AGBL4: variants seen among roughly 807,000 people sequenced by gnomAD.
AGBL4 encodes AGBL carboxypeptidase 4.
In AGBL4, 58 loss-of-function variants were observed where a neutral mutation model predicts 66.4. The ratio of observed to expected loss-of-function variants is 0.87; its 90% CI spans 0.71 to 1.09. The LOEUF (loss-of-function observed/expected upper bound fraction) is 1.09, where lower values mean the gene tolerates loss of function less well. AGBL4 is among the 50% of genes least tolerant of loss of function. AGBL4 has a pLI of 0.00. For synonymous variants in AGBL4, 234 were observed against 222.9 expected (o/e 1.05, Z -0.44); for missense variants, 579 against 631.0 (o/e 0.92, Z 0.88).
intron 3 of AGBL4, among the ~76,000 whole-genome samples, chr1:49,459,338 T>C (rs1646460584): frequency 6.6e-6 from 1 of 151,750 alleles, no homozygotes; most frequent in Admixed American, 6.6e-5. Flanking sequence ...CTAGGAGGGT[T>C]GTATATTTCC....
chr1:49,889,717 ACTG>A, intron 1 of AGBL4, among the ~76,000 whole-genome samples: 1 of 149,374 alleles, frequency 6.7e-6, no homozygotes, highest in East Asian at 1.9e-4. Flanking sequence ...AGACCGCACC[ACTG>A]CACTCCAGCC....
chr1:49,456,778 G>A (rs1312672637), intron 3 of AGBL4, among the ~76,000 whole-genome samples: 1 of 151,528 alleles, frequency 6.6e-6, no homozygotes, highest in Non-Finnish European at 1.5e-5. Context: ...TTATGCCTTT[G>A]CATCCTCATA....
intron 6 of AGBL4, among the ~76,000 whole-genome samples, chr1:48,791,734 C>T (rs77026999): frequency 0.031 from 4,716 of 152,236 alleles, 127 homozygotes; most frequent in Non-Finnish European, 0.049. Context: ...AAAATTAGGG[C>T]ATTTGATACA....
intron 6 of AGBL4, among the ~76,000 whole-genome samples, chr1:48,798,070 G>T (rs1645730464): frequency 6.6e-6 from 1 of 152,118 alleles, no homozygotes; most frequent in African/African-American, 2.4e-5. Context: ...TTCCAGAGTG[G>T]TTGCACTAGT....
chr1:49,269,048 T>G (rs924793507), intron 3 of AGBL4: 1 of 152,206 alleles, frequency 6.6e-6, no homozygotes, highest in African/African-American at 2.4e-5. Context: ...TTCCATATTC[T>G]CTTTGAAATC....
intron 7 of AGBL4, among the ~76,000 whole-genome samples, chr1:48,662,273 C>A (rs1442859320): frequency 6.6e-6 from 1 of 152,210 alleles, no homozygotes; most frequent in Non-Finnish European, 1.5e-5. Context: ...TCATCTCATG[C>A]CAGCTTCGTA....
At chr1:49,132,275 T>C (rs1051137710) in intron 4 of AGBL4, among the ~76,000 whole-genome samples, 3 of 151,942 alleles carry the variant, frequency 2.0e-5, no homozygotes, top group African/African-American at 4.8e-5. Flanking sequence ...AGAGCAGTTT[T>C]ATTGGAGTGG....
chr1:49,660,771 A>G (rs569665689), intron 3 of AGBL4, among the ~76,000 whole-genome samples: 1 of 152,340 alleles, frequency 6.6e-6, no homozygotes, highest in South Asian at 2.1e-4. Flanking sequence ...CTATGGAGTC[A>G]TAAAAAAGAT....
chr1:49,155,784 C>T (rs901644883), intron 4 of AGBL4, among the ~76,000 whole-genome samples: 6 of 152,158 alleles, frequency 3.9e-5, no homozygotes, highest in African/African-American at 1.4e-4. Flanking sequence ...ACACCTATTC[C>T]TGAATGTGGT....
At chr1:48,737,296 GA>G (rs948833737) in intron 6 of AGBL4, among the ~76,000 whole-genome samples, 6 of 151,576 alleles carry the variant, frequency 4.0e-5, no homozygotes, top group Middle Eastern at 3.4e-3. Context: ...AAAGAAAAAA[GA>G]AAAAAAGAAA....
chr1:48,800,068 G>T (rs973126856), intron 6 of AGBL4, among the ~76,000 whole-genome samples: 10 of 152,264 alleles, frequency 6.6e-5, no homozygotes, highest in African/African-American at 2.4e-4. Context: ...GTTTCAGTAG[G>T]ATTGGTACCA....
chr1:49,085,150 C>G (rs943442869), intron 4 of AGBL4, among the ~76,000 whole-genome samples: 9 of 151,956 alleles, frequency 5.9e-5, no homozygotes, highest in African/African-American at 2.2e-4. Context: ...GTAAATAAAA[C>G]AAAAAAGCAG....
chr1:48,526,031 C>A, the AGBL4 span, among the ~76,000 whole-genome samples: 3 of 152,154 alleles, frequency 2.0e-5, no homozygotes, highest in Non-Finnish European at 1.5e-5. Context: ...TTAAGACAAT[C>A]ATTTCACAGC....
At chr1:49,922,245 T>C (rs1652331573) in intron 1 of AGBL4, among the ~76,000 whole-genome samples, 1 of 152,168 alleles carries the variant, frequency 6.6e-6, no homozygotes, top group Non-Finnish European at 1.5e-5. Context: ...GGATTCAGTT[T>C]GCCAATATTT....
chr1:49,159,392 G>A (rs769405283), intron 4 of AGBL4, among the ~76,000 whole-genome samples: 18 of 152,124 alleles, frequency 1.2e-4, no homozygotes, highest in Non-Finnish European at 2.1e-4. Flanking sequence ...ATATTGGCCC[G>A]CACTCTCTTC....
At chr1:49,234,515 G>A (rs185050151) in intron 4 of AGBL4, among the ~76,000 whole-genome samples, 33 of 152,294 alleles carry the variant, frequency 2.2e-4, no homozygotes, top group Non-Finnish European at 3.8e-4. Context: ...TTGGTGTACA[G>A]GATGTCTACA....
intron 6 of AGBL4, among the ~76,000 whole-genome samples, chr1:48,667,881 T>C (rs142529661): frequency 5.9e-5 from 9 of 152,262 alleles, no homozygotes; most frequent in African/African-American, 2.2e-4. Flanking sequence ...GAAGTTCATA[T>C]TGTCAGTTTT....
rs1411226369 is a variant in AGBL4 at position 48,776,829 on chromosome 1, CATGGTGGGCGCCG to C, written c.634+90349_634+90361del. The C allele has an allele frequency of 7.3e-6, 11 of 1,503,018 alleles. No individual in the cohort carries two copies. The East Asian group carries it at 2.8e-4, about 39-fold the overall frequency. The allele number at this position is 1,503,018 out of a possible 1,614,324, so 93.1% of individuals were successfully genotyped here. On this transcript the variant is annotated intron_variant, in intron 6 of 13. Transcript: ENST00000371839. Reference sequence around the variant, plus strand: ...CCTCCAGGAACCGCACAAAGGCGTACATGGTGGGCGCCGGGGGCGGGCCCCGGTCGGGCAGCTC... The same window carrying C: ...CCTCCAGGAACCGCACAAAGGCGTACGGGGCGGGCCCCGGTCGGGCAGCTC...
At chr1:49,430,144 T>C (rs1034089012) in intron 3 of AGBL4, among the ~76,000 whole-genome samples, 1 of 152,094 alleles carries the variant, frequency 6.6e-6, no homozygotes, top group African/African-American at 2.4e-5. Context: ...TGAGACACCA[T>C]GCCCGGCCAC....
Sources: allele counts gnomAD v4.1 joint callset (sites outside exome capture counted in the v4.1 genomes callset), GRCh38; gene constraint gnomAD v4.1.1; transcripts MANE v1.5; gene names NCBI Gene and HGNC (gene_info 2026-07-23, HGNC 2026-07-21).